KCND2: variants seen among roughly 807,000 people sequenced by gnomAD.
KCND2 encodes the protein potassium voltage-gated channel subfamily D member 2, also known as A-type voltage-gated potassium channel KCND2.
A neutral mutation model predicts 54.4 loss-of-function variants in KCND2; 16 were observed. The ratio of observed to expected loss-of-function variants is 0.29; its 90% confidence interval spans 0.20 to 0.45. The LOEUF is 0.45. KCND2 is among the 20% of genes least tolerant of loss of function. KCND2 has a pLI of 1.00. For missense variants in KCND2, 486 were observed against 824.2 expected (o/e 0.59, Z 5.02); for synonymous variants, 317 against 310.7 (o/e 1.02, Z -0.21).
intron 1 of KCND2, among the ~76,000 whole-genome samples, chr7:120,486,719 T>G (rs1020047394): frequency 7.9e-5 from 12 of 151,904 alleles, no homozygotes; most frequent in African/African-American, 2.9e-4. Context: ...TGAATAGCAC[T>G]GGACTTAATC....
intron 1 of KCND2, among the ~76,000 whole-genome samples, chr7:120,305,621 G>A (rs1799640364): frequency 6.6e-6 from 1 of 152,068 alleles, no homozygotes; most frequent in Non-Finnish European, 1.5e-5. Context: ...AAAATCCTCA[G>A]TGGCTTTGCA....
chr7:120,503,063 CT>C (rs1256860503), intron 1 of KCND2, among the ~76,000 whole-genome samples: 1 of 151,994 alleles, frequency 6.6e-6, no homozygotes, highest in Non-Finnish European at 1.5e-5. Flanking sequence ...TATCTATTGC[CT>C]TAGGGTCTAG....
chr7:120,500,436 A>G (rs896493141), intron 1 of KCND2, among the ~76,000 whole-genome samples: 2 of 152,144 alleles, frequency 1.3e-5, no homozygotes, highest in Non-Finnish European at 2.9e-5. Flanking sequence ...TTTGGGGGAT[A>G]ATCTAACTTG....
chr7:120,698,022 CTTTTTTTT>C lies in KCND2; in HGVS notation c.1116-34865_1116-34858del, dbSNP rs35589294. Among the ~76,000 whole-genome samples the C allele has an allele frequency of 7.0e-5, 6 of 85,596 alleles. No homozygotes were observed. In the East Asian group the frequency reaches 2.0e-3, roughly 28 times the overall value. The allele number at this position is 85,596 out of a possible 152,430, so 56.2% of individuals were successfully genotyped here. Reference sequence around the variant, plus strand: ...GCATATTTGGATATATAGATTTGCCCTTTTTTTTTTTTTTTTTTTTTTTGGCTTGTTGC... The same window carrying C: ...GCATATTTGGATATATAGATTTGCCCTTTTTTTTTTTTTTTGGCTTGTTGC... On this transcript the variant is annotated intron_variant, in intron 1 of 5. Transcript: ENST00000331113.
At chr7:120,393,039 T>C (rs1801101035) in intron 1 of KCND2, among the ~76,000 whole-genome samples, 1 of 152,016 alleles carries the variant, frequency 6.6e-6, no homozygotes, top group African/African-American at 2.4e-5. Flanking sequence ...TTTGACACAA[T>C]GTGAAAAATA....
intron 1 of KCND2, among the ~76,000 whole-genome samples, chr7:120,527,100 A>G (rs2116357519): frequency 6.6e-6 from 1 of 152,284 alleles, no homozygotes; most frequent in East Asian, 1.9e-4. Flanking sequence ...GAGGAGTCAC[A>G]TCAATATATT....
chr7:120,648,264 A>T (rs989190950), intron 1 of KCND2, among the ~76,000 whole-genome samples: 9 of 152,164 alleles, frequency 5.9e-5, no homozygotes, highest in Non-Finnish European at 7.3e-5. Context: ...GATGGGAATG[A>T]ATGAGTTTGG....
At chr7:120,719,787 A>C (rs534677168) in intron 1 of KCND2, among the ~76,000 whole-genome samples, 1 of 152,298 alleles carries the variant, frequency 6.6e-6, no homozygotes, top group South Asian at 2.1e-4. Flanking sequence ...ACTTGGTTTT[A>C]CATTTATTCA....
chr7:120,591,444 A>G (rs548319587), intron 1 of KCND2, among the ~76,000 whole-genome samples: 2 of 152,332 alleles, frequency 1.3e-5, no homozygotes, highest in South Asian at 2.1e-4. Context: ...CTCCGTGGCT[A>G]GAAGATAATA....
At chr7:120,731,262 TA>T (rs1018425373) in intron 1 of KCND2, among the ~76,000 whole-genome samples, 48 of 152,200 alleles carry the variant, frequency 3.2e-4, no homozygotes, top group African/African-American at 1.0e-3. Flanking sequence ...AGTGAAAAAA[TA>T]AATCAATAAA....
chr7:120,735,955 C>T (rs116834717), intron 2 of KCND2, among the ~76,000 whole-genome samples: 123 of 152,120 alleles, frequency 8.1e-4, no homozygotes, highest in African/African-American at 2.6e-3. Flanking sequence ...GCAGAACAAA[C>T]GCCCATTAGG....
chr7:120,380,523 GAA>G (rs1800902522), intron 1 of KCND2, among the ~76,000 whole-genome samples: 1 of 151,938 alleles, frequency 6.6e-6, no homozygotes, highest in Admixed American at 6.6e-5. Context: ...CAAAACAATT[GAA>G]AGAGTCACAT....
intron 1 of KCND2, among the ~76,000 whole-genome samples, chr7:120,598,627 A>G (rs1284684987): frequency 1.3e-5 from 2 of 152,042 alleles, no homozygotes; most frequent in African/African-American, 2.4e-5. Flanking sequence ...ACTTTAGACA[A>G]GTAGTTTTTC....
chr7:120,734,596 T>C (rs1792848183), intron 2 of KCND2, among the ~76,000 whole-genome samples: 1 of 152,120 alleles, frequency 6.6e-6, no homozygotes, highest in Non-Finnish European at 1.5e-5. Context: ...TCCCCAATCT[T>C]TGTCAAAATA....
At chr7:120,288,295 A>G (rs1799378332) in intron 1 of KCND2, among the ~76,000 whole-genome samples, 1 of 152,162 alleles carries the variant, frequency 6.6e-6, no homozygotes. Context: ...TTATGAAACT[A>G]GAATAGTCTT....
intron 1 of KCND2, among the ~76,000 whole-genome samples, chr7:120,426,588 G>GTT (rs1168044122): frequency 1.0e-3 from 101 of 96,610 alleles, no homozygotes; most frequent in South Asian, 7.8e-3. Flanking sequence ...GTTTTTCTTT[G>GTT]TTTTTTTTTT....
intron 1 of KCND2, among the ~76,000 whole-genome samples, chr7:120,496,985 A>G (rs557939285): frequency 2.6e-5 from 4 of 152,198 alleles, no homozygotes; most frequent in African/African-American, 9.7e-5. Context: ...TGGCTTAATG[A>G]TTATGATAAT....
chr7:120,532,879 G>T (rs73721413), intron 1 of KCND2, among the ~76,000 whole-genome samples: 7 of 151,892 alleles, frequency 4.6e-5, no homozygotes, highest in Admixed American at 4.6e-4. Flanking sequence ...AAGATAAGCC[G>T]CTATGTAGTC....
At chr7:120,278,918 T>G (rs1288984800) in intron 1 of KCND2, among the ~76,000 whole-genome samples, 1 of 151,824 alleles carries the variant, frequency 6.6e-6, no homozygotes, top group Non-Finnish European at 1.5e-5. Context: ...GTTCCTCCAT[T>G]TCATCCCTTC....
Sources: gnomAD v4.1 joint callset for allele counts (sites outside exome capture counted in the v4.1 genomes callset) on GRCh38, gnomAD v4.1.1 for gene constraint, MANE v1.5 for transcripts, NCBI Gene and HGNC (gene_info 2026-07-23, HGNC 2026-07-21) for gene names.